KIAA1671: variants seen among roughly 807,000 people sequenced by gnomAD.
KIAA1671 encodes KIAA1671.
Under a neutral mutation model 131.2 loss-of-function variants are expected in KIAA1671, and 52 were observed. The ratio of observed to expected loss-of-function variants is 0.40; its 90% CI spans 0.32 to 0.50. The LOEUF is 0.50. Ranked by LOEUF, KIAA1671 falls within the 20% of genes least tolerant of loss-of-function variation. KIAA1671 has a pLI of 0.73. For missense variants in KIAA1671, 2,360 were observed against 2,364.2 expected, an observed-to-expected ratio of 1.00 and a Z score of 0.04; for synonymous variants, 1,003 against 961.6, an observed-to-expected ratio of 1.04 and a Z score of -0.80.
chr22:25,170,706 G>A, intron 6 of KIAA1671, 114 bp from the exon 7 acceptor site: 2 of 990,422 alleles, frequency 2.0e-6, no homozygotes, highest in Non-Finnish European at 3.1e-6. Context: ...AAGGCAGCGG[G>A]TTGCTGGGAT....
chr22:24,975,986 G>A (rs992896396), intron 1 of KIAA1671, among the ~76,000 whole-genome samples: 3 of 152,246 alleles, frequency 2.0e-5, no homozygotes, highest in Admixed American at 1.3e-4. Flanking sequence ...TGGGCTTCCC[G>A]TGTGGCTACT....
chr22:25,066,364 G>T (rs1304228107), intron 6 of KIAA1671, among the ~76,000 whole-genome samples: 2 of 152,062 alleles, frequency 1.3e-5, no homozygotes, highest in Non-Finnish European at 2.9e-5. Flanking sequence ...GCCCAAGCTG[G>T]TCTTGAACTT....
At position 25,193,211 on chromosome 22, in the gene KIAA1671, TA is replaced by T. The variant is rs2146059330; in HGVS notation, c.*811del. The stretch of plus-strand genomic sequence containing the variant: ...CAGTCACCTCAGGTTATCTTATCCC[TA>T]TCCAAGCTGTTTAGAAGTTATAATT... On this transcript the variant is annotated 3_prime_UTR_variant, in exon 13 of 13. Coordinates refer to ENST00000358431, the MANE Select transcript of KIAA1671 (RefSeq NM_001145206.2). 6.6e-6 allele frequency: 1 copy of T among 152,362 alleles called. No homozygotes were observed. Among genetic ancestry groups the T allele is most frequent in the African/African-American group, 2.4e-5 (1 of 41,578 alleles). The allele number at this position is 152,362 out of a possible 1,614,324, so 9.4% of individuals were successfully genotyped here.
chr22:25,154,316 A>C (rs994164794), intron 6 of KIAA1671, among the ~76,000 whole-genome samples: 1 of 152,178 alleles, frequency 6.6e-6, no homozygotes, highest in Non-Finnish European at 1.5e-5. Flanking sequence ...AGCTCACCAG[A>C]TTGCTCTGAT....
intron 1 of KIAA1671, among the ~76,000 whole-genome samples, chr22:24,966,337 C>T (rs543875445): frequency 2.1e-4 from 32 of 152,332 alleles, no homozygotes; most frequent in Non-Finnish European, 4.4e-4. Flanking sequence ...AAGGGGAGCC[C>T]AGCGGGTGCA....
At chr22:25,034,507 A>T (rs1926482088) in intron 4 of KIAA1671, among the ~76,000 whole-genome samples, 1 of 151,640 alleles carries the variant, frequency 6.6e-6, no homozygotes. Flanking sequence ...TTATGTTGAG[A>T]TCATTCATGG....
Position 24,965,740 on chromosome 22 carries a change from CAAAA to C in KIAA1671, c.-208+12986_-208+12989del, listed in dbSNP as rs767916092. On this transcript the variant is annotated intron_variant, in intron 1 of 12. Coordinates refer to ENST00000358431, the MANE Select transcript of KIAA1671 (RefSeq NM_001145206.2). Reference sequence around the variant, plus strand: ...GGGCAACAAGAGTGAAACTCCATCTCAAAAAAAAAAAAAAAAAAAAAGAAAAGGA... The same window carrying C: ...GGGCAACAAGAGTGAAACTCCATCTCAAAAAAAAAAAAAAAAAGAAAAGGA... 1.1e-4 allele frequency among the ~76,000 whole-genome samples: 5 copies of C among 45,896 alleles called. No individual in the cohort carries two copies. The South Asian group carries it at 3.8e-3, about 34-fold the overall frequency. 30.1% of individuals were successfully genotyped at this position (45,896 alleles called of 152,430 possible).
At chr22:25,153,501 T>C (rs1933119326) in intron 6 of KIAA1671, among the ~76,000 whole-genome samples, 2 of 152,206 alleles carry the variant, frequency 1.3e-5, no homozygotes, top group African/African-American at 2.4e-5. Context: ...ATATGCAATA[T>C]ACCCATGCAT....
At chr22:25,160,739 A>G (rs1045002839) in intron 6 of KIAA1671, among the ~76,000 whole-genome samples, 1 of 152,162 alleles carries the variant, frequency 6.6e-6, no homozygotes, top group Admixed American at 6.5e-5. Flanking sequence ...CAGCCAGGCC[A>G]CACCTACATT....
intron 6 of KIAA1671, chr22:25,058,266 A>G (rs901345548): frequency 6.6e-6 from 1 of 152,212 alleles, no homozygotes; most frequent in Admixed American, 6.5e-5. Context: ...GAGAGTCCCC[A>G]TACACCCACA....
intron 6 of KIAA1671, among the ~76,000 whole-genome samples, chr22:25,129,560 A>G (rs1461956530): frequency 6.7e-6 from 1 of 149,622 alleles, no homozygotes; most frequent in African/African-American, 2.4e-5. Flanking sequence ...GGTTTGAATC[A>G]CAGCTTTTCC....
chr22:25,062,729 T>A (rs183384552), intron 6 of KIAA1671: 1 of 152,200 alleles, frequency 6.6e-6, no homozygotes, highest in African/African-American at 2.4e-5. Context: ...AGAGAACCGA[T>A]TGGGGCCAGG....
chr22:25,099,411 C>T (rs890422625), intron 6 of KIAA1671, among the ~76,000 whole-genome samples: 1 of 152,054 alleles, frequency 6.6e-6, no homozygotes, highest in Non-Finnish European at 1.5e-5. Flanking sequence ...TGGGGCCTGG[C>T]ACACACAATA....
intron 9 of KIAA1671, chr22:25,179,668 A>C: frequency 1.6e-6 from 1 of 635,856 alleles, no homozygotes; most frequent in Non-Finnish European, 2.7e-6. Flanking sequence ...AACTAGGTAA[A>C]ACAGTGTTTT....
At chr22:25,188,269 G>C (rs6004475) in intron 11 of KIAA1671, among the ~76,000 whole-genome samples, 50,766 of 152,010 alleles carry the variant, frequency 0.33, 8,919 homozygotes, top group East Asian at 0.49. Flanking sequence ...CCACTGCACT[G>C]CAGCCTGGGC....
chr22:25,135,246 C>G (rs1042872915), intron 6 of KIAA1671, among the ~76,000 whole-genome samples: 1 of 152,180 alleles, frequency 6.6e-6, no homozygotes, highest in African/African-American at 2.4e-5. Context: ...AGTGCAGTGG[C>G]GCAATCTCAG....
At chr22:25,004,685 G>T (rs1463696342) in intron 1 of KIAA1671, among the ~76,000 whole-genome samples, 2 of 148,180 alleles carry the variant, frequency 1.3e-5, no homozygotes, top group Admixed American at 6.7e-5. Flanking sequence ...GGTGACTCAC[G>T]CCTGTAATCC....
intron 1 of KIAA1671, among the ~76,000 whole-genome samples, chr22:24,987,462 C>T (rs537348251): frequency 1.3e-5 from 2 of 152,054 alleles, no homozygotes; most frequent in South Asian, 2.1e-4. Context: ...TGAGCCACTG[C>T]GCCTGGCCTA....
chr22:25,017,338 G>A (rs1925383699), intron 1 of KIAA1671, among the ~76,000 whole-genome samples: 1 of 152,168 alleles, frequency 6.6e-6, no homozygotes, highest in South Asian at 2.1e-4. Context: ...AGCCGAGATT[G>A]CGCCACTGCA....
Sources: gnomAD v4.1 joint callset for allele counts (sites outside exome capture counted in the v4.1 genomes callset) on GRCh38, gnomAD v4.1.1 for gene constraint, MANE v1.5 for transcripts, NCBI Gene and HGNC (gene_info 2026-07-23, HGNC 2026-07-21) for gene names.